Variants in VEPH1 observed in about 807,000 individuals in gnomAD.
VEPH1 encodes the protein ventricular zone-expressed PH domain-containing protein homolog 1.
VEPH1 carries 80 observed loss-of-function variants against 85.2 expected under a neutral mutation model. The observed-to-expected ratio is 0.94, with a 90% confidence interval of 0.78 to 1.13. The LOEUF (loss-of-function observed/expected upper bound fraction) is 1.13. Ranked by LOEUF, VEPH1 falls within the 50% of genes most tolerant of loss-of-function variation. The pLI is 0.00. For synonymous variants in VEPH1, 297 were observed against 348.0 expected, an observed-to-expected ratio of 0.85 and a Z score of 1.63; for missense variants, 955 against 980.5, an observed-to-expected ratio of 0.97 and a Z score of 0.35.
rs1320017065 is a variant in VEPH1 at position 157,470,311 on chromosome 3, T to C, written c.354+3A>G. The C allele has an allele frequency of 3.1e-6, 5 of 1,614,024 alleles. No homozygotes were observed. The highest frequency in any genetic ancestry group is 3.3e-5 in the Admixed American group (2 of 60,012). ...AATAGCCTGATGTTGAACACTGACA[T>C]ACCTGTAAAATGCAACTCATGATAT... On this transcript the variant is annotated splice_donor_region_variant and intron_variant, in intron 3 of 13. Coordinates refer to ENST00000362010, the MANE Select transcript of VEPH1 (RefSeq NM_001167912.2).
chr3:157,286,778 A>G (rs1716837918), intron 11 of VEPH1, 104 bp from the exon 12 acceptor site: 4 of 912,098 alleles, frequency 4.4e-6, no homozygotes, highest in Non-Finnish European at 5.3e-6. Flanking sequence ...TCAATGCTCA[A>G]TCTCAGTACT....
intron 2 of VEPH1, among the ~76,000 whole-genome samples, chr3:157,492,839 C>T (rs756634699): frequency 6.6e-6 from 1 of 151,982 alleles, no homozygotes; most frequent in African/African-American, 2.4e-5. Context: ...TTAGAGGTGG[C>T]CCACTTATTT....
intron 4 of VEPH1, among the ~76,000 whole-genome samples, chr3:157,453,144 G>A (rs1476459851): frequency 6.6e-6 from 1 of 152,166 alleles, no homozygotes; most frequent in East Asian, 1.9e-4. Flanking sequence ...GGAAGCTGTA[G>A]AGGCCTACAC....
chr3:157,292,204 T>G (rs1717559015), intron 11 of VEPH1, among the ~76,000 whole-genome samples: 1 of 152,156 alleles, frequency 6.6e-6, no homozygotes. Flanking sequence ...GTGCTGTGAT[T>G]AGAAGTCCTG....
chr3:157,392,783 C>T (rs186288860), intron 6 of VEPH1, among the ~76,000 whole-genome samples: 63 of 152,300 alleles, frequency 4.1e-4, no homozygotes, highest in African/African-American at 1.5e-3. Flanking sequence ...TATTTAACCA[C>T]TTTGAGCCTA....
Position 157,470,731 on chromosome 3 carries a change from A to C in VEPH1, c.139-202T>G, listed in dbSNP as rs552867484. Among the ~76,000 whole-genome samples the C allele has an allele frequency of 4.6e-5, 7 of 152,288 alleles. No homozygotes were observed. The East Asian group carries it at 1.2e-3, about 25-fold the overall frequency. On this transcript the variant is annotated intron_variant, in intron 2 of 13. Coordinates refer to ENST00000362010, the MANE Select transcript of VEPH1 (RefSeq NM_001167912.2). ...GAGGCAGATACACAAACATGCTAAA[A>C]TGGAGCAGGTTCTACTATCACCCTT...
chr3:157,363,302 C>A (rs1233305116), intron 9 of VEPH1, 62 bp downstream of exon 9: 3 of 1,452,118 alleles, frequency 2.1e-6, no homozygotes, highest in Admixed American at 4.7e-5. Flanking sequence ...CTGATTTGAG[C>A]TTTTTGTTTA....
chr3:157,437,211 G>C, intron 4 of VEPH1: 1 of 1,161,278 alleles, frequency 8.6e-7, no homozygotes, highest in Non-Finnish European at 1.3e-6. Flanking sequence ...AAGAAAGATG[G>C]AGGTTTCAAA....
At chr3:157,322,469 A>G (rs1466742294) in intron 9 of VEPH1, among the ~76,000 whole-genome samples, 2 of 152,176 alleles carry the variant, frequency 1.3e-5, no homozygotes, top group Non-Finnish European at 2.9e-5. Flanking sequence ...TCTTTTTGGT[A>G]TATACAAAGA....
chr3:157,370,527 C>T (rs1203334366), intron 7 of VEPH1, among the ~76,000 whole-genome samples: 1 of 152,120 alleles, frequency 6.6e-6, no homozygotes, highest in Non-Finnish European at 1.5e-5. Flanking sequence ...TAGAGAAGAT[C>T]CCCCAACTTC....
At chr3:157,299,578 A>G (rs939330390) in intron 11 of VEPH1, among the ~76,000 whole-genome samples, 7 of 133,288 alleles carry the variant, frequency 5.3e-5, no homozygotes, top group African/African-American at 1.5e-4. Flanking sequence ...AAAAAAAAAA[A>G]AAGAAAGAAA....
At chr3:157,357,143 G>A (rs551267930) in intron 9 of VEPH1, among the ~76,000 whole-genome samples, 1 of 152,082 alleles carries the variant, frequency 6.6e-6, no homozygotes, top group South Asian at 2.1e-4. Context: ...TGACTTTTAG[G>A]GTGAGATATA....
chr3:157,417,372 T>C (rs1016768506), intron 5 of VEPH1, among the ~76,000 whole-genome samples: 1 of 152,154 alleles, frequency 6.6e-6, no homozygotes, highest in Non-Finnish European at 1.5e-5. Flanking sequence ...ACATGGACTT[T>C]GTTCAGGCTG....
intron 2 of VEPH1, among the ~76,000 whole-genome samples, chr3:157,481,467 A>ACACACACACACACACAC (rs60293047): frequency 1.7e-4 from 9 of 53,540 alleles, no homozygotes; most frequent in South Asian, 5.9e-4. Flanking sequence ...CACACACACA[A>ACACACACACACACACAC]AAAAAAAAAA....
At chr3:157,283,541 G>C (rs1039808042) in intron 12 of VEPH1, among the ~76,000 whole-genome samples, 1 of 152,188 alleles carries the variant, frequency 6.6e-6, no homozygotes, top group African/African-American at 2.4e-5. Flanking sequence ...GTGAATTTCT[G>C]TGTGTTGATG....
intron 9 of VEPH1, among the ~76,000 whole-genome samples, chr3:157,343,314 A>C (rs1723802838): frequency 6.6e-6 from 1 of 152,244 alleles, no homozygotes; most frequent in African/African-American, 2.4e-5. Context: ...AGAAGAATCA[A>C]ATAGAAGCAA....
chr3:157,322,278 T>C (rs13072252), intron 9 of VEPH1, among the ~76,000 whole-genome samples: 8,774 of 152,278 alleles, frequency 0.058, 299 homozygotes, highest in South Asian at 0.1. Flanking sequence ...CATGGTAGCA[T>C]GGGTCAGAAT....
At chr3:157,456,247 A>G (rs920219927) in intron 4 of VEPH1, among the ~76,000 whole-genome samples, 5 of 152,012 alleles carry the variant, frequency 3.3e-5, no homozygotes, top group Non-Finnish European at 7.4e-5. Flanking sequence ...TTTCTTATAG[A>G]TGTTGGATAT....
chr3:157,288,258 C>G (rs1408457633), intron 11 of VEPH1, among the ~76,000 whole-genome samples: 2 of 152,184 alleles, frequency 1.3e-5, no homozygotes, highest in Non-Finnish European at 2.9e-5. Context: ...CTCTGTTGAG[C>G]TGTGATTTTA....
Sources: gnomAD v4.1 joint callset for allele counts (sites outside exome capture counted in the v4.1 genomes callset) on GRCh38, gnomAD v4.1.1 for gene constraint, MANE v1.5 for transcripts, NCBI Gene and HGNC (gene_info 2026-07-23, HGNC 2026-07-21) for gene names.